Variants in LUZP2 observed in about 807,000 individuals in gnomAD.
LUZP2 encodes the protein leucine zipper protein 2.
LUZP2 carries 52 observed loss-of-function variants against 51.6 expected under a neutral mutation model. That is an observed-to-expected ratio of 1.01 (90% CI 0.81 to 1.27). The LOEUF (loss-of-function observed/expected upper bound fraction) is 1.27, where lower values mean the gene tolerates loss of function less well. LUZP2 is among the 50% of genes most tolerant of loss of function. The probability of loss-of-function intolerance (pLI) is 0.00; values close to 1 mark genes in which losing one functional copy is unlikely to be tolerated. For synonymous variants in LUZP2, 154 were observed against 137.3 expected, an observed-to-expected ratio of 1.12 and a Z score of -0.85; for missense variants, 436 against 395.4, an observed-to-expected ratio of 1.10 and a Z score of -0.87.
chr11:24,822,505 G>A (rs557310766), intron 5 of LUZP2, among the ~76,000 whole-genome samples: 1 of 152,262 alleles, frequency 6.6e-6, no homozygotes, highest in East Asian at 1.9e-4. Context: ...TTTTAAGAGT[G>A]TTAGCTTTTA....
intron 8 of LUZP2, among the ~76,000 whole-genome samples, chr11:24,978,192 C>A (rs575060621): frequency 2.2e-4 from 34 of 151,532 alleles, no homozygotes; most frequent in Non-Finnish European, 3.5e-4. Flanking sequence ...AAGATCCCAG[C>A]ATTATAAGAT....
intron 1 of LUZP2, among the ~76,000 whole-genome samples, chr11:24,617,682 A>C (rs973999978): frequency 3.9e-5 from 6 of 151,962 alleles, no homozygotes; most frequent in African/African-American, 1.5e-4. Flanking sequence ...TTAGCTGGGC[A>C]TAGTGGAGGG....
At chr11:24,546,439 A>G (rs1474586761) in intron 1 of LUZP2, among the ~76,000 whole-genome samples, 2 of 152,028 alleles carry the variant, frequency 1.3e-5, no homozygotes, top group Admixed American at 1.3e-4. Context: ...GGCTCCTATT[A>G]TTTTGAAATG....
Position 24,732,200 on chromosome 11 carries a change from CT to C in LUZP2, c.251+19del, listed in dbSNP as rs772356337. On this transcript the variant is annotated intron_variant, in intron 3 of 11. Coordinates refer to ENST00000336930, the MANE Select transcript of LUZP2 (RefSeq NM_001009909.4). ...GGACAGAAACAAAGGTAAGACTTTT[CT>C]TTTTTTCTTAGTTATTTCTGCCATA... 9 of 1,586,288 alleles carry C rather than the reference CT, an allele frequency of 5.7e-6. No homozygotes were observed. The highest frequency in any genetic ancestry group is 3.5e-5 in the Admixed American group (2 of 56,628).
At position 24,935,674 on chromosome 11, in the gene LUZP2, A is replaced by G. The variant is rs79614700; in HGVS notation, c.522+21136A>G. Among the ~76,000 whole-genome samples the G allele has an allele frequency of 6.3e-3, 961 of 152,266 alleles. 17 individuals are homozygous for G. The highest frequency in any genetic ancestry group is 0.059 in the East Asian group (305 of 5,180). On this transcript the variant is annotated intron_variant, in intron 7 of 11. Transcript: ENST00000336930. ...ACAATTTCATTATGAAAGTAAAATA[A>G]AAAAGAAAGATTAGTGAAAAAATAG...
intron 1 of LUZP2, among the ~76,000 whole-genome samples, chr11:24,615,424 T>C (rs1437791452): frequency 6.6e-6 from 1 of 152,066 alleles, no homozygotes; most frequent in Non-Finnish European, 1.5e-5. Flanking sequence ...GCTTTTGAAT[T>C]TGACCTTTTA....
chr11:25,072,651 C>T (rs949088264), intron 10 of LUZP2, among the ~76,000 whole-genome samples: 1 of 152,070 alleles, frequency 6.6e-6, no homozygotes, highest in Non-Finnish European at 1.5e-5. Flanking sequence ...AGTGACCCCA[C>T]CTCTTACCCT....
chr11:24,691,476 G>GT (rs5790429), intron 1 of LUZP2, among the ~76,000 whole-genome samples: 40,816 of 136,368 alleles, frequency 0.3, 6,580 homozygotes, highest in Middle Eastern at 0.42. Context: ...CTCATATTCT[G>GT]TTTTTTTTTT....
chr11:24,771,208 A>AACCTGTGT (rs1860403171), intron 5 of LUZP2, among the ~76,000 whole-genome samples: 1 of 151,594 alleles, frequency 6.6e-6, no homozygotes, highest in South Asian at 2.1e-4. Context: ...ATAAATTAGT[A>AACCTGTGT]ACCTGTGTAT....
intron 10 of LUZP2, among the ~76,000 whole-genome samples, chr11:25,063,515 T>C (rs958669172): frequency 1.3e-5 from 2 of 151,864 alleles, no homozygotes; most frequent in African/African-American, 4.8e-5. Context: ...TAGCCAACAG[T>C]AAATGTATAG....
intron 1 of LUZP2, among the ~76,000 whole-genome samples, chr11:24,673,672 A>G (rs1856465273): frequency 6.6e-6 from 1 of 152,174 alleles, no homozygotes; most frequent in African/African-American, 2.4e-5. Context: ...GAGCCTGTCC[A>G]GTGCATTGTT....
At chr11:24,566,757 T>C (rs1852240428) in intron 1 of LUZP2, among the ~76,000 whole-genome samples, 1 of 146,564 alleles carries the variant, frequency 6.8e-6, no homozygotes, top group Non-Finnish European at 1.5e-5. Flanking sequence ...TATGTATACA[T>C]ATTTATGTAT....
chr11:24,639,845 T>C (rs1182934817), intron 1 of LUZP2, among the ~76,000 whole-genome samples: 2 of 151,938 alleles, frequency 1.3e-5, no homozygotes, highest in African/African-American at 4.9e-5. Context: ...TTCCACTTTC[T>C]TGAATCCTCT....
intron 1 of LUZP2, among the ~76,000 whole-genome samples, chr11:24,662,705 A>G (rs953554854): frequency 6.6e-6 from 1 of 152,144 alleles, no homozygotes; most frequent in Non-Finnish European, 1.5e-5. Flanking sequence ...TGTAGATAAC[A>G]GGAAACATTT....
At chr11:25,038,208 A>G (rs1271708179) in intron 9 of LUZP2, among the ~76,000 whole-genome samples, 1 of 152,034 alleles carries the variant, frequency 6.6e-6, no homozygotes, top group Non-Finnish European at 1.5e-5. Context: ...CATTTTTTAA[A>G]TTCTTTAAAA....
chr11:24,853,325 C>A (rs1329525059), intron 5 of LUZP2, among the ~76,000 whole-genome samples: 2 of 152,038 alleles, frequency 1.3e-5, no homozygotes, highest in Admixed American at 1.3e-4. Context: ...TTCACCTTCA[C>A]TTATGAAGCT....
At chr11:24,521,446 A>G (rs1179929348) in intron 1 of LUZP2, among the ~76,000 whole-genome samples, 1 of 152,090 alleles carries the variant, frequency 6.6e-6, no homozygotes, top group East Asian at 1.9e-4. Context: ...GAGGAATTAA[A>G]AGAAGCAGGA....
At chr11:24,628,304 T>C (rs772972427) in intron 1 of LUZP2, among the ~76,000 whole-genome samples, 7 of 152,162 alleles carry the variant, frequency 4.6e-5, no homozygotes, top group Non-Finnish European at 1.0e-4. Flanking sequence ...CTTTGATCAT[T>C]ATGCTGTTTT....
At chr11:25,053,823 G>A (rs1858597050) in intron 10 of LUZP2, among the ~76,000 whole-genome samples, 1 of 152,056 alleles carries the variant, frequency 6.6e-6, no homozygotes, top group African/African-American at 2.4e-5. Flanking sequence ...ATGTAGAATT[G>A]CTGGGTTTGA....
Sources: gnomAD v4.1 joint callset for allele counts (sites outside exome capture counted in the v4.1 genomes callset) on GRCh38, gnomAD v4.1.1 for gene constraint, MANE v1.5 for transcripts, NCBI Gene and HGNC (gene_info 2026-07-23, HGNC 2026-07-21) for gene names.